The following MERTK variants were observed in gnomAD, a reference collection of about 807,000 sequenced individuals.
MERTK encodes MER proto-oncogene, tyrosine kinase.
In MERTK, 69 loss-of-function variants were observed where a neutral mutation model predicts 99.3. That is an observed-to-expected ratio of 0.70 (90% CI 0.57 to 0.85). The LOEUF is 0.85. Among genes scored for constraint, MERTK ranks in the 40% least tolerant of loss-of-function variants. The pLI is 0.00. For synonymous variants in MERTK, 426 were observed against 467.6 expected (o/e 0.91, Z 1.15); for missense variants, 1,125 against 1,249.4 (o/e 0.90, Z 1.50).
intron 2 of MERTK, chr2:111,941,184 G>A (rs915488741): frequency 2.3e-5 from 7 of 307,832 alleles, no homozygotes; most frequent in South Asian, 1.1e-4. Context: ...TACAGAGTTC[G>A]AAAGGAAAAT....
At chr2:111,917,778 C>T (rs1338890959) in intron 1 of MERTK, among the ~76,000 whole-genome samples, 4 of 151,532 alleles carry the variant, frequency 2.6e-5, no homozygotes, top group African/African-American at 9.7e-5. Context: ...CCAGCTACTC[C>T]GGAGGCTGAG....
At chr2:112,010,273 G>A in intron 15 of MERTK, 1 of 523,664 alleles carries the variant, frequency 1.9e-6, no homozygotes, top group Non-Finnish European at 3.6e-6. Flanking sequence ...CTTTATGGTG[G>A]GTAAGTGGCT....
intron 1 of MERTK, among the ~76,000 whole-genome samples, chr2:111,899,553 T>C (rs1418964293): frequency 3.3e-5 from 5 of 152,076 alleles, no homozygotes; most frequent in Admixed American, 6.5e-5. Flanking sequence ...AGTCTCGCCC[T>C]GTCGCCCAGG....
chr2:111,944,943 T>C lies in MERTK; in HGVS notation c.483-17T>C. Reference sequence around the variant, plus strand: ...AGGGTAGTCACTGTAAATATCTTCATGTGTTTTTCTTTGCAGCATAACCAG... The same window carrying C: ...AGGGTAGTCACTGTAAATATCTTCACGTGTTTTTCTTTGCAGCATAACCAG... On this transcript the variant is annotated splice_polypyrimidine_tract_variant and intron_variant, in intron 2 of 18. Transcript: ENST00000295408. 3.7e-6 allele frequency: 6 copies of C among 1,603,844 alleles called. No individual in the cohort carries two copies. The highest frequency in any genetic ancestry group is 4.3e-6 in the Non-Finnish European group (5 of 1,171,686).
At chr2:111,996,637 G>A (rs1411272674) in intron 9 of MERTK, 1 of 158,482 alleles carries the variant, frequency 6.3e-6, no homozygotes. Context: ...GCGGTCCTTA[G>A]TGAAGGTGAA....
intron 8 of MERTK, among the ~76,000 whole-genome samples, chr2:111,988,349 A>G (rs1489736050): frequency 1.3e-5 from 2 of 152,196 alleles, no homozygotes; most frequent in Non-Finnish European, 1.5e-5. Context: ...CCAGGGATTG[A>G]TCAAATAGGG....
intron 1 of MERTK, among the ~76,000 whole-genome samples, chr2:111,908,309 C>T (rs940277358): frequency 1.3e-5 from 2 of 152,096 alleles, no homozygotes; most frequent in East Asian, 1.9e-4. Context: ...ATTTTTTCCT[C>T]TCAGCTACTC....
intron 4 of MERTK, among the ~76,000 whole-genome samples, chr2:111,948,045 A>G (rs948203325): frequency 6.6e-6 from 1 of 152,080 alleles, no homozygotes; most frequent in African/African-American, 2.4e-5. Flanking sequence ...TCCAAATGAA[A>G]GTGGCCCAGT....
chr2:111,918,577 A>C (rs1684397609), intron 1 of MERTK, among the ~76,000 whole-genome samples: 1 of 152,244 alleles, frequency 6.6e-6, no homozygotes, highest in South Asian at 2.1e-4. Flanking sequence ...TGGAGAAAGC[A>C]GAGGGAAACC....
intron 3 of MERTK, among the ~76,000 whole-genome samples, chr2:111,946,238 G>C (rs765339170): frequency 8.5e-5 from 13 of 152,128 alleles, no homozygotes; most frequent in Admixed American, 2.0e-4. Flanking sequence ...TACATTTGCA[G>C]CTAATTTGGG....
intron 4 of MERTK, chr2:111,952,005 A>C (rs1371655753): frequency 6.6e-6 from 1 of 152,148 alleles, no homozygotes; most frequent in Middle Eastern, 3.2e-3. Context: ...TTGTGACAAG[A>C]TGTGCAAACT....
Position 112,029,280 on chromosome 2 carries a change from A to T in MERTK, c.*416A>T, listed in dbSNP as rs1212914759. ...TTGACTTGGCTTCTGGTCTTGATGTATTTGATAAGAATGATTCATTCAATG... is the reference window on the plus strand; with the variant it reads ...TTGACTTGGCTTCTGGTCTTGATGTTTTTGATAAGAATGATTCATTCAATG... On this transcript the variant is annotated 3_prime_UTR_variant, in exon 19 of 19. Transcript: ENST00000295408. 8 of 969,736 alleles carry T rather than the reference A, an allele frequency of 8.2e-6. No homozygotes were observed. The South Asian group carries it at 3.5e-4, about 43-fold the overall frequency. 60.1% of individuals were successfully genotyped at this position (969,736 alleles called of 1,614,324 possible). A position where few individuals can be genotyped will look rare whatever the true frequency, so the allele number is the denominator to read the frequency against.
chr2:112,024,462 C>T (rs1677423193), intron 18 of MERTK, among the ~76,000 whole-genome samples: 1 of 152,234 alleles, frequency 6.6e-6, no homozygotes, highest in Non-Finnish European at 1.5e-5. Context: ...ACCTGCCACC[C>T]CCGCCTCCTG....
At chr2:111,951,521 C>CTATATATATATA (rs1280162964) in intron 4 of MERTK, among the ~76,000 whole-genome samples, 1 of 21,504 alleles carries the variant, frequency 4.7e-5, no homozygotes, top group Non-Finnish European at 9.9e-5. Context: ...AATAATATTC[C>CTATATATATATA]CATATATATA....
In MERTK at chr2:112,019,401, T is replaced by C; in HGVS notation, c.2080-12T>C. 3 of 1,587,396 alleles carry C rather than the reference T, an allele frequency of 1.9e-6. No individual in the cohort carries two copies. The highest frequency in any genetic ancestry group is 2.6e-6 in the Non-Finnish European group (3 of 1,155,636). On this transcript the variant is annotated splice_polypyrimidine_tract_variant and intron_variant, in intron 15 of 18. Coordinates refer to ENST00000295408, the MANE Select transcript of MERTK (RefSeq NM_006343.3). ...AAAGATAGTCTTTCTTCTTGTTTCC[T>C]CTATCATCTAGCATATTCCTCTGCA...
intron 4 of MERTK, among the ~76,000 whole-genome samples, chr2:111,953,651 T>C (rs1685096063): frequency 6.6e-6 from 1 of 152,094 alleles, no homozygotes; most frequent in South Asian, 2.1e-4. Flanking sequence ...TCTCTGCTTA[T>C]CGCAACCTCT....
chr2:111,982,774 A>C (rs549100309), intron 7 of MERTK, 68 bp from the exon 8 acceptor site: 1 of 1,570,760 alleles, frequency 6.4e-7, no homozygotes, highest in Admixed American at 1.7e-5. Flanking sequence ...ACACTTGAAA[A>C]CCCAGATGAG....
chr2:111,929,168 G>C lies in MERTK; in HGVS notation c.110G>C (p.Gly37Ala). ...GCCAAGCCTTACCCGCTATTCCCGGGACCTTTTCCAGGGAGCCTGCAAACT... is the reference window on the plus strand; with the variant it reads ...GCCAAGCCTTACCCGCTATTCCCGGCACCTTTTCCAGGGAGCCTGCAAACT... ...EEAKPYPLFP[G>A]PFPGSLQTDH... is the part of the protein sequence containing the mutation. Residue 37 changes from glycine to alanine, a missense_variant, in exon 2 of 19, where the codon GGA (glycine) becomes GCA (alanine). By Grantham distance (60) the Gly-to-Ala change is moderately conservative. Transcript: ENST00000295408. 6.2e-7 allele frequency: 1 copy of C among 1,614,148 alleles called. No individual in the cohort carries two copies. Among genetic ancestry groups the C allele is most frequent in the Non-Finnish European group, 8.5e-7 (1 of 1,180,022 alleles).
At chr2:111,943,052 A>G (rs113859526) in intron 2 of MERTK, among the ~76,000 whole-genome samples, 26 of 152,218 alleles carry the variant, frequency 1.7e-4, no homozygotes, top group African/African-American at 5.8e-4. Flanking sequence ...TGTCTGCTCC[A>G]GATGCTAACC....
Sources: allele counts gnomAD v4.1 joint callset (sites outside exome capture counted in the v4.1 genomes callset), GRCh38; gene constraint gnomAD v4.1.1; transcripts MANE v1.5; gene names NCBI Gene and HGNC (gene_info 2026-07-23, HGNC 2026-07-21).